The following ZNF704 variants were observed in gnomAD, a reference collection of about 807,000 sequenced individuals.
The protein encoded by ZNF704 is zinc finger protein 704.
Under a neutral mutation model 44.7 loss-of-function variants are expected in ZNF704, and 10 were observed. The ratio of observed to expected loss-of-function variants is 0.22; its 90% CI spans 0.14 to 0.38. The LOEUF (loss-of-function observed/expected upper bound fraction) is 0.38, where lower values mean the gene tolerates loss of function less well. ZNF704 is among the 10% of genes least tolerant of loss of function. The probability of loss-of-function intolerance (pLI) is 1.00; values close to 1 mark genes in which losing one functional copy is unlikely to be tolerated. For missense variants in ZNF704, 390 were observed against 545.5 expected, an observed-to-expected ratio of 0.71 and a Z score of 2.84; for synonymous variants, 211 against 207.6, an observed-to-expected ratio of 1.02 and a Z score of -0.14.
chr8:80,708,396 G>A (rs868159723), intron 2 of ZNF704, among the ~76,000 whole-genome samples: 3 of 152,180 alleles, frequency 2.0e-5, no homozygotes, highest in Non-Finnish European at 2.9e-5. Flanking sequence ...ATCCAGTTTC[G>A]TGTAATAGGA....
rs1047897508 is a variant in ZNF704 at position 80,638,357 on chromosome 8, A to T, written c.*3009T>A. 2 of 152,396 alleles carry T rather than the reference A, an allele frequency of 1.3e-5. No individual in the cohort carries two copies. Among genetic ancestry groups the T allele is most frequent in the Non-Finnish European group, 2.9e-5 (2 of 68,014 alleles). 9.4% of individuals were successfully genotyped at this position (152,396 alleles called of 1,614,324 possible). A position where few individuals can be genotyped will look rare whatever the true frequency, so the allele number is the denominator to read the frequency against. On this transcript the variant is annotated 3_prime_UTR_variant, in exon 9 of 9. Transcript: ENST00000327835. ...TACTTAGAAATATTTTGGGACCAGA[A>T]TCCATTGTTTTGCATGCCTTTTGCG...
rs1179503834 is a variant in ZNF704 at position 80,635,747 on chromosome 8, G to C, written c.*5619C>G. On this transcript the variant is annotated 3_prime_UTR_variant, in exon 9 of 9. Transcript: ENST00000327835. Reference sequence around the variant, plus strand: ...TAAAATATATAAAATGACTCTTCAGGCATCTTTTTCCATACTTTGAAAACA... The same window carrying C: ...TAAAATATATAAAATGACTCTTCAGCCATCTTTTTCCATACTTTGAAAACA... 2 of 152,054 alleles carry C rather than the reference G, an allele frequency of 1.3e-5. No individual in the cohort carries two copies. The highest frequency in any genetic ancestry group is 4.2e-4 in the South Asian group (2 of 4,816). The allele number at this position is 152,054 out of a possible 1,614,324, so 9.4% of individuals were successfully genotyped here.
At chr8:80,713,182 G>C (rs1482858739) in intron 2 of ZNF704, among the ~76,000 whole-genome samples, 1 of 152,136 alleles carries the variant, frequency 6.6e-6, no homozygotes, top group East Asian at 1.9e-4. Context: ...ACGTTAAAAA[G>C]ACAATTCTTG....
At chr8:80,718,376 CCT>C (rs112857422) in intron 2 of ZNF704, among the ~76,000 whole-genome samples, 10,464 of 152,114 alleles carry the variant, frequency 0.069, 1,184 homozygotes, top group African/African-American at 0.24. Context: ...CTCACTCCTC[CCT>C]GTCTCCATCC....
At chr8:80,707,065 T>C (rs1818910395) in intron 2 of ZNF704, among the ~76,000 whole-genome samples, 1 of 152,250 alleles carries the variant, frequency 6.6e-6, no homozygotes, top group African/African-American at 2.4e-5. Context: ...TATTTTAAAC[T>C]GCCACTGTGG....
intron 6 of ZNF704, among the ~76,000 whole-genome samples, chr8:80,663,896 A>ACATTAGGGATTT: frequency 1.3e-5 from 2 of 151,006 alleles, no homozygotes; most frequent in African/African-American, 4.9e-5. Context: ...TGCCTGGCTA[A>ACATTAGGGATTT]TTTTTGTATT....
At chr8:80,783,179 G>GA (rs1335631989) in intron 2 of ZNF704, among the ~76,000 whole-genome samples, 3 of 152,158 alleles carry the variant, frequency 2.0e-5, no homozygotes, top group African/African-American at 7.2e-5. Flanking sequence ...GCAAAAGTAG[G>GA]ATGACAGAAG....
chr8:80,844,194 T>C (rs1167082663), intron 1 of ZNF704, among the ~76,000 whole-genome samples: 1 of 151,990 alleles, frequency 6.6e-6, no homozygotes, highest in Admixed American at 6.6e-5. Flanking sequence ...TCTGAGGAAA[T>C]GTCTTTGTCA....
intron 4 of ZNF704, among the ~76,000 whole-genome samples, chr8:80,686,687 C>A (rs931968068): frequency 6.6e-6 from 1 of 152,044 alleles, no homozygotes; most frequent in African/African-American, 2.4e-5. Context: ...GCCACTGTGC[C>A]TGGCCCTTTT....
chr8:80,787,187 G>T (rs756910079), intron 2 of ZNF704, among the ~76,000 whole-genome samples: 1 of 152,152 alleles, frequency 6.6e-6, no homozygotes, highest in Non-Finnish European at 1.5e-5. Context: ...GAAGCATCTG[G>T]GATACCATCC....
intron 2 of ZNF704, among the ~76,000 whole-genome samples, chr8:80,739,672 C>T (rs1190683486): frequency 6.6e-6 from 1 of 152,148 alleles, no homozygotes; most frequent in Non-Finnish European, 1.5e-5. Flanking sequence ...TACTTATAGA[C>T]TCCAGGGAAA....
At chr8:80,792,468 TATAA>T (rs1807725863) in intron 2 of ZNF704, among the ~76,000 whole-genome samples, 1 of 152,156 alleles carries the variant, frequency 6.6e-6, no homozygotes, top group East Asian at 1.9e-4. Context: ...CAGACCATGA[TATAA>T]TCCCTTCCCC....
chr8:80,797,212 C>T (rs1285960451), intron 2 of ZNF704, among the ~76,000 whole-genome samples: 2 of 152,178 alleles, frequency 1.3e-5, no homozygotes, highest in Non-Finnish European at 2.9e-5. Context: ...TGGGTTCAGC[C>T]CATGCTGGCA....
intron 1 of ZNF704, among the ~76,000 whole-genome samples, chr8:80,827,456 T>C (rs1808397481): frequency 6.6e-6 from 1 of 152,194 alleles, no homozygotes; most frequent in Admixed American, 6.5e-5. Context: ...TCCATGCTCA[T>C]GGATAGGAAG....
At chr8:80,647,990 G>A (rs1001564559) in intron 7 of ZNF704, among the ~76,000 whole-genome samples, 7 of 152,110 alleles carry the variant, frequency 4.6e-5, no homozygotes, top group Non-Finnish European at 1.0e-4. Context: ...CAAGGTTGAG[G>A]GGCCGGCATG....
At chr8:80,747,956 C>G (rs1234730409) in intron 2 of ZNF704, among the ~76,000 whole-genome samples, 1 of 152,188 alleles carries the variant, frequency 6.6e-6, no homozygotes, top group African/African-American at 2.4e-5. Context: ...ACCTCGTGAT[C>G]TGCCCACCTC....
intron 1 of ZNF704, among the ~76,000 whole-genome samples, chr8:80,850,070 T>C (rs35786019): frequency 6.6e-6 from 1 of 152,218 alleles, no homozygotes; most frequent in African/African-American, 2.4e-5. Context: ...TTTATTATAA[T>C]GTTGCTGGGT....
chr8:80,820,613 A>C (rs1808252977), intron 2 of ZNF704, among the ~76,000 whole-genome samples: 1 of 152,122 alleles, frequency 6.6e-6, no homozygotes, highest in Non-Finnish European at 1.5e-5. Flanking sequence ...GCCGTTAAAA[A>C]GGCAGGCCAG....
the ZNF704 span, among the ~76,000 whole-genome samples, chr8:80,883,000 G>A: frequency 6.7e-6 from 1 of 150,060 alleles, no homozygotes; most frequent in Non-Finnish European, 1.5e-5. Context: ...CACTTTGGGA[G>A]GCCGAGGCAT....
Sources: allele counts gnomAD v4.1 joint callset (sites outside exome capture counted in the v4.1 genomes callset), GRCh38; gene constraint gnomAD v4.1.1; transcripts MANE v1.5; gene names NCBI Gene and HGNC (gene_info 2026-07-23, HGNC 2026-07-21).